Variants in LAMB1 observed in about 807,000 individuals in gnomAD.
LAMB1 encodes laminin subunit beta-1.
In LAMB1, 121 loss-of-function variants were observed where a neutral mutation model predicts 222.3. The observed-to-expected ratio is 0.54, with a 90% CI of 0.47 to 0.63. The LOEUF (loss-of-function observed/expected upper bound fraction) is 0.63. Among genes scored for constraint, LAMB1 ranks in the 30% least tolerant of loss-of-function variants. The probability of loss-of-function intolerance (pLI) is 0.00; values close to 1 mark genes in which losing one functional copy is unlikely to be tolerated. For missense variants in LAMB1, 2,172 were observed against 2,240.8 expected (o/e 0.97, Z 0.62); for synonymous variants, 794 against 807.2 (o/e 0.98, Z 0.28).
chr7:107,995,844 G>T (rs956792680), intron 4 of LAMB1, among the ~76,000 whole-genome samples: 1 of 152,102 alleles, frequency 6.6e-6, no homozygotes, highest in African/African-American at 2.4e-5. Flanking sequence ...GGAAAGACAG[G>T]AATGTGTCAG....
At chr7:107,980,904 T>C (rs2033959669) in intron 7 of LAMB1, 93 bp from the exon 8 acceptor site, 1 of 719,686 alleles carries the variant, frequency 1.4e-6, no homozygotes, top group East Asian at 2.6e-5. Flanking sequence ...GAGAAAGGCA[T>C]GACACATGAA....
chr7:107,998,598 T>C, intron 3 of LAMB1, 106 bp from the exon 4 acceptor site: 1 of 907,624 alleles, frequency 1.1e-6, no homozygotes. Context: ...ACCTATTAGC[T>C]TCAAGAAAAA....
chr7:107,926,493 A>C (rs746833991), intron 31 of LAMB1, 134 bp from the exon 32 acceptor site: 57 of 645,906 alleles, frequency 8.8e-5, no homozygotes, highest in Admixed American at 2.7e-4. Context: ...ACTAAAAAGA[A>C]TATTTCAGGA....
chr7:107,952,361 G>T, intron 22 of LAMB1, 138 bp from the exon 23 acceptor site: 1 of 652,650 alleles, frequency 1.5e-6, no homozygotes, highest in East Asian at 2.8e-5. Flanking sequence ...AAATGGAGGT[G>T]ATTCAAAAAT....
intron 7 of LAMB1, among the ~76,000 whole-genome samples, chr7:107,981,221 C>G (rs544441307): frequency 6.6e-6 from 1 of 152,050 alleles, no homozygotes; most frequent in East Asian, 1.9e-4. Context: ...CCGAGGTGGG[C>G]GGATCACCTG....
rs371963986 is a variant in LAMB1 at position 107,937,095 on chromosome 7, C to T, written c.3944G>A (p.Arg1315Gln). 1.4e-4 allele frequency: 233 copies of T among 1,613,382 alleles called. No individual in the cohort carries two copies. The Middle Eastern group carries it at 1.5e-3, about 10-fold the overall frequency. The part of the protein sequence containing the change: ...QLEFIKNSDI[R>Q]GALDSITKYF... The stretch of plus-strand genomic sequence containing the variant: ...TATTTGCACCAAAAAATGCTCACCC[C>T]GAATATCTGAGTTTTTGATAAATTC... Residue 1315 changes from arginine to glutamine, a missense_variant and splice_region_variant, in exon 26 of 34, where the codon CGG becomes CAG. Transcript: ENST00000222399.
At chr7:107,938,587 G>C (rs180890757) in intron 25 of LAMB1, among the ~76,000 whole-genome samples, 1 of 152,164 alleles carries the variant, frequency 6.6e-6, no homozygotes, top group South Asian at 2.1e-4. Flanking sequence ...AAACAGAGCT[G>C]TTTTGGGAAT....
At chr7:107,992,913 G>A (rs190782387) in intron 5 of LAMB1, among the ~76,000 whole-genome samples, 6 of 152,164 alleles carry the variant, frequency 3.9e-5, no homozygotes, top group Admixed American at 1.3e-4. Flanking sequence ...AAAAAACAGA[G>A]GGGAACAGGA....
Position 107,993,511 on chromosome 7 carries a change from A to T in LAMB1, c.423+1376T>A, listed in dbSNP as rs7456860. ...CTTCTGCGCCTACACAAGTAAGTTCATCTTTCTCCCACTGTATTCACCTGA... is the reference window on the plus strand; with the variant it reads ...CTTCTGCGCCTACACAAGTAAGTTCTTCTTTCTCCCACTGTATTCACCTGA... On this transcript the variant is annotated intron_variant, in intron 5 of 33. Coordinates refer to ENST00000222399, the MANE Select transcript of LAMB1 (RefSeq NM_002291.3). Among the ~76,000 whole-genome samples, 868 of 152,282 alleles carry T rather than the reference A, an allele frequency of 5.7e-3. 6 individuals are homozygous for T. Among genetic ancestry groups the T allele is most frequent in the African/African-American group, 0.019 (809 of 41,548 alleles).
intron 27 of LAMB1, chr7:107,932,614 A>T (rs1176984908): frequency 1.8e-6 from 1 of 567,978 alleles, no homozygotes; most frequent in African/African-American, 1.9e-5. Flanking sequence ...TTCTGCCCAA[A>T]TGAGTTAAAA....
Position 107,929,231 on chromosome 7 carries a change from T to C in LAMB1, c.4746-26A>G. On this transcript the variant is annotated intron_variant, in intron 30 of 33. Coordinates refer to ENST00000222399, the MANE Select transcript of LAMB1 (RefSeq NM_002291.3). ...CTGAGTAAAAAATAATGAGACAGTA[T>C]ATTGTTGCTGAACATGAAAAAAGTA... The C allele has an allele frequency of 3.1e-6, 5 of 1,612,566 alleles. No individual in the cohort carries two copies. In the South Asian group the frequency reaches 5.5e-5, roughly 18 times the overall value.
At chr7:108,001,077 T>C (rs928640673) in intron 3 of LAMB1, among the ~76,000 whole-genome samples, 3 of 152,102 alleles carry the variant, frequency 2.0e-5, no homozygotes, top group South Asian at 2.1e-4. Context: ...TGATATCTAG[T>C]TGGGAACAGC....
chr7:107,930,012 A>G (rs567053264), intron 29 of LAMB1: 71 of 208,036 alleles, frequency 3.4e-4, no homozygotes, highest in Non-Finnish European at 5.2e-4. Flanking sequence ...GTGGAAAACC[A>G]TAGAGGGCCA....
At chr7:107,975,161 C>T (rs1171699573) in intron 11 of LAMB1, 63 bp from the exon 12 acceptor site, 16 of 1,561,742 alleles carry the variant, frequency 1.0e-5, no homozygotes, top group African/African-American at 1.4e-5. Flanking sequence ...AATAATCTGG[C>T]TTTGGAATTA....
chr7:108,001,897 G>C (rs139532877), intron 2 of LAMB1, 164 bp from the exon 3 acceptor site: 4 of 1,467,556 alleles, frequency 2.7e-6, no homozygotes, highest in Non-Finnish European at 3.6e-6. Flanking sequence ...CGCAGGAGAG[G>C]CTGGGAAGGC....
At chr7:107,991,352 C>A (rs2034178008) in intron 5 of LAMB1, among the ~76,000 whole-genome samples, 1 of 152,112 alleles carries the variant, frequency 6.6e-6, no homozygotes, top group Non-Finnish European at 1.5e-5. Flanking sequence ...CTTTGGGAGG[C>A]AGAGGCAGGT....
In LAMB1 at chr7:107,978,174, A is replaced by C. The variant is rs1170060177; in HGVS notation, c.880-7T>G. ...ACATGCAGTGTCCGTGAACCTTGAA[A>C]GTTATAAAAACAGGAGAGAACAAAG... On this transcript the variant is annotated splice_polypyrimidine_tract_variant and splice_region_variant and intron_variant, in intron 8 of 33. Transcript: ENST00000222399. The C allele has an allele frequency of 1.9e-6, 3 of 1,613,434 alleles. No homozygotes were observed. Among genetic ancestry groups the C allele is most frequent in the Non-Finnish European group, 2.5e-6 (3 of 1,179,724 alleles).
intron 7 of LAMB1, among the ~76,000 whole-genome samples, chr7:107,982,420 T>A (rs185671411): frequency 3.9e-4 from 60 of 152,310 alleles, no homozygotes; most frequent in Admixed American, 5.9e-4. Context: ...TAGCTTACAA[T>A]GAAGCTATAG....
chr7:107,935,753 A>T (rs2032833590), intron 26 of LAMB1, 97 bp from the exon 27 acceptor site: 1 of 1,315,774 alleles, frequency 7.6e-7, no homozygotes, highest in African/African-American at 1.5e-5. Flanking sequence ...TCCTAAATTT[A>T]CTGTAAAGTT....
Sources: allele counts gnomAD v4.1 joint callset (sites outside exome capture counted in the v4.1 genomes callset), GRCh38; gene constraint gnomAD v4.1.1; transcripts MANE v1.5; gene names NCBI Gene and HGNC (gene_info 2026-07-23, HGNC 2026-07-21).